The following NUBPL variants were observed in gnomAD, a reference collection of about 807,000 sequenced individuals.
NUBPL encodes the protein NUBP iron-sulfur cluster assembly factor, mitochondrial.
Under a neutral mutation model 45.7 loss-of-function variants are expected in NUBPL, and 31 were observed. That is an observed-to-expected ratio of 0.68 (90% CI 0.51 to 0.92). The LOEUF (loss-of-function observed/expected upper bound fraction) is 0.92, where lower values mean the gene tolerates loss of function less well. Among genes scored for constraint, NUBPL ranks in the 40% least tolerant of loss-of-function variants. The pLI is 0.00. For missense variants in NUBPL, 401 were observed against 398.7 expected (o/e 1.01, Z -0.05); for synonymous variants, 144 against 140.9 (o/e 1.02, Z -0.15).
chr14:31,685,986 G>A (rs188810426), intron 6 of NUBPL, among the ~76,000 whole-genome samples: 14 of 152,186 alleles, frequency 9.2e-5, no homozygotes, highest in Non-Finnish European at 1.8e-4. Context: ...ATGCTGGTGG[G>A]TCTAAAATCA....
intron 7 of NUBPL, among the ~76,000 whole-genome samples, chr14:31,801,920 G>C (rs2039598283): frequency 6.6e-6 from 1 of 152,178 alleles, no homozygotes. Flanking sequence ...TATGACAGTA[G>C]TCAGCTAGTT....
chr14:31,709,448 A>T (rs2037522744), intron 6 of NUBPL, among the ~76,000 whole-genome samples: 1 of 152,170 alleles, frequency 6.6e-6, no homozygotes, highest in Admixed American at 6.5e-5. Flanking sequence ...CATACTGGGG[A>T]CAGCTTGCTG....
chr14:31,801,726 G>C (rs1221914028), intron 7 of NUBPL, among the ~76,000 whole-genome samples: 1 of 152,148 alleles, frequency 6.6e-6, no homozygotes, highest in Non-Finnish European at 1.5e-5. Context: ...GAAACTTTTG[G>C]AAATTGTTCT....
At chr14:31,681,787 C>T (rs1595486031) in intron 6 of NUBPL, among the ~76,000 whole-genome samples, 1 of 152,094 alleles carries the variant, frequency 6.6e-6, no homozygotes, top group Middle Eastern at 3.4e-3. Context: ...CTTTTGCCTA[C>T]AAATATTTTT....
chr14:31,823,892 C>T (rs1250141599), intron 7 of NUBPL, among the ~76,000 whole-genome samples: 5 of 150,890 alleles, frequency 3.3e-5, no homozygotes, highest in Non-Finnish European at 4.4e-5. Context: ...TAATTTTTGC[C>T]GAGATATGAT....
intron 4 of NUBPL, among the ~76,000 whole-genome samples, chr14:31,635,731 G>A (rs61341905): frequency 0.16 from 24,134 of 151,604 alleles, 5,479 homozygotes; most frequent in African/African-American, 0.51. Flanking sequence ...AGCATGGAAT[G>A]TTCTTCCATT....
At chr14:31,639,137 A>G (rs1242056755) in intron 4 of NUBPL, among the ~76,000 whole-genome samples, 1 of 152,144 alleles carries the variant, frequency 6.6e-6, no homozygotes, top group Non-Finnish European at 1.5e-5. Context: ...GAGGAACTGC[A>G]TTCCTTTGGA....
At chr14:31,616,345 C>A (rs756418473) in intron 4 of NUBPL, among the ~76,000 whole-genome samples, 28 of 152,210 alleles carry the variant, frequency 1.8e-4, no homozygotes, top group Non-Finnish European at 2.9e-4. Flanking sequence ...AGTCTTTGCC[C>A]ATGCCTATGT....
rs553711960 is a variant in NUBPL at position 31,644,825 on chromosome 14, A to T, written c.383-28530A>T. Among the ~76,000 whole-genome samples the T allele has an allele frequency of 3.2e-4, 48 of 152,148 alleles. No homozygotes were observed. In the Middle Eastern group the frequency reaches 0.01, roughly 32 times the overall value. On this transcript the variant is annotated intron_variant, in intron 4 of 10. Coordinates refer to ENST00000281081, the MANE Select transcript of NUBPL (RefSeq NM_025152.3). ...TAATGTTTGCTTTATATGCTTGGGT[A>T]CTGGGTATTGGATGCATAGATATAT...
intron 7 of NUBPL, among the ~76,000 whole-genome samples, chr14:31,803,594 T>A (rs1198895913): frequency 6.6e-6 from 1 of 152,170 alleles, no homozygotes; most frequent in Non-Finnish European, 1.5e-5. Flanking sequence ...AAGGAGGCAA[T>A]CAATTTTGGA....
intron 3 of NUBPL, among the ~76,000 whole-genome samples, chr14:31,585,235 A>G (rs891882000): frequency 2.6e-5 from 4 of 151,550 alleles, no homozygotes; most frequent in South Asian, 4.2e-4. Flanking sequence ...TAGTTGATGA[A>G]CTTAAAAAAA....
At chr14:31,592,508 C>T (rs2034168649) in intron 3 of NUBPL, among the ~76,000 whole-genome samples, 1 of 152,012 alleles carries the variant, frequency 6.6e-6, no homozygotes, top group African/African-American at 2.4e-5. Context: ...TAGCAAATAA[C>T]AAATTTGAAT....
chr14:31,812,718 G>A (rs1320894036), intron 7 of NUBPL, among the ~76,000 whole-genome samples: 7 of 152,258 alleles, frequency 4.6e-5, no homozygotes, highest in East Asian at 3.9e-4. Context: ...CTCCTGTGTG[G>A]ATCACACTGG....
chr14:31,800,345 T>C (rs2039563129), intron 7 of NUBPL, among the ~76,000 whole-genome samples: 2 of 152,174 alleles, frequency 1.3e-5, no homozygotes, highest in Non-Finnish European at 2.9e-5. Context: ...TACAACATAA[T>C]ATCGATTAGG....
At position 31,834,468 on chromosome 14, in the gene NUBPL, T is replaced by C. The variant is rs190094924; in HGVS notation, c.693+7754T>C. Among the ~76,000 whole-genome samples the C allele has an allele frequency of 3.1e-3, 472 of 152,218 alleles. 2 individuals are homozygous for C. The highest frequency in any genetic ancestry group is 0.011 in the East Asian group (59 of 5,170). Reference sequence around the variant, plus strand: ...TGCTGGGATTACAGGCGTGAGCCACTGCGCCTGGCCGGTCTGGAACTTTTT... The same window carrying C: ...TGCTGGGATTACAGGCGTGAGCCACCGCGCCTGGCCGGTCTGGAACTTTTT... On this transcript the variant is annotated intron_variant, in intron 8 of 10. Coordinates refer to ENST00000281081, the MANE Select transcript of NUBPL (RefSeq NM_025152.3).
intron 8 of NUBPL, among the ~76,000 whole-genome samples, chr14:31,834,804 C>A (rs572720558): frequency 1.3e-5 from 2 of 152,274 alleles, no homozygotes; most frequent in African/African-American, 4.8e-5. Flanking sequence ...AAATAACTTA[C>A]ATAAGAATAT....
intron 3 of NUBPL, among the ~76,000 whole-genome samples, chr14:31,566,631 C>T (rs188001315): frequency 7.2e-4 from 109 of 152,048 alleles, no homozygotes; most frequent in Non-Finnish European, 1.3e-3. Context: ...ATTCCTGGAA[C>T]CTGTAAATAT....
intron 4 of NUBPL, among the ~76,000 whole-genome samples, chr14:31,626,157 T>TTA (rs1199138307): frequency 8.4e-6 from 1 of 118,396 alleles, no homozygotes; most frequent in Non-Finnish European, 1.5e-5. Flanking sequence ...TTATCTTATT[T>TTA]TATTTTATTT....
At chr14:31,597,043 A>T (rs769336922) in intron 3 of NUBPL, among the ~76,000 whole-genome samples, 7 of 152,080 alleles carry the variant, frequency 4.6e-5, no homozygotes, top group Non-Finnish European at 8.8e-5. Flanking sequence ...TTTGCTGTCT[A>T]ATGTCCCTTT....
Sources: allele counts gnomAD v4.1 joint callset (sites outside exome capture counted in the v4.1 genomes callset), GRCh38; gene constraint gnomAD v4.1.1; transcripts MANE v1.5; gene names NCBI Gene and HGNC (gene_info 2026-07-23, HGNC 2026-07-21).